ATP6V1B2: variants seen among roughly 807,000 people sequenced by gnomAD.
ATP6V1B2 encodes V-type proton ATPase subunit B, brain isoform.
Under a neutral mutation model 66.7 loss-of-function variants are expected in ATP6V1B2, and 23 were observed. The ratio of observed to expected loss-of-function variants is 0.34; its 90% CI spans 0.25 to 0.49. ATP6V1B2 has a LOEUF of 0.49. Ranked by LOEUF, ATP6V1B2 falls within the 20% of genes least tolerant of loss-of-function variation. The pLI is 0.99. For synonymous variants in ATP6V1B2, 278 were observed against 236.7 expected (o/e 1.17, Z -1.60); for missense variants, 478 against 650.8 (o/e 0.73, Z 2.89).
chr8:20,201,114 A>G (rs553484242), intron 1 of ATP6V1B2, among the ~76,000 whole-genome samples: 2 of 152,352 alleles, frequency 1.3e-5, no homozygotes, highest in East Asian at 3.9e-4. Context: ...TCTGGCTCAT[A>G]TGATAGTTCA....
chr8:20,214,646 T>C (rs113148745), intron 9 of ATP6V1B2, 172 bp from the exon 10 acceptor site: 23 of 686,384 alleles, frequency 3.4e-5, no homozygotes, highest in African/African-American at 3.2e-4. Flanking sequence ...TGTTACAGAA[T>C]ACTTTGAATT....
In ATP6V1B2 at chr8:20,212,792, A is replaced by G. The variant is rs1256588728; in HGVS notation, c.814A>G (p.Ile272Val). The G allele has an allele frequency of 6.2e-7, 1 of 1,613,558 alleles. No homozygotes were observed. Among genetic ancestry groups the G allele is most frequent in the Non-Finnish European group, 8.5e-7 (1 of 1,179,702 alleles). ...AATGTTCCCTTTCAGCATTGAGCGA[A>G]TTATCACTCCTCGCCTGGCTCTAAC... Reference protein sequence around the residue: ...NLANDPTIERIITPRLALTTA... With the variant: ...NLANDPTIERVITPRLALTTA... Residue 272 changes from isoleucine to valine, a missense_variant, in exon 9 of 14, where the codon ATT becomes GTT. By Grantham distance (29) the Ile-to-Val change is conservative (BLOSUM62 3). This residue lies in a region of ATP6V1B2 where 326 missense variants were observed against 545.6 expected (regional missense o/e 0.60). Coordinates refer to ENST00000276390, the MANE Select transcript of ATP6V1B2 (RefSeq NM_001693.4).
At chr8:20,218,434 C>T in intron 13 of ATP6V1B2, 152 bp downstream of exon 13, 1 of 1,004,462 alleles carries the variant, frequency 1.0e-6, no homozygotes. Context: ...AACCCTCTGG[C>T]TTCTCCTCTG....
At chr8:20,203,644 G>A (rs1366935467) in intron 1 of ATP6V1B2, among the ~76,000 whole-genome samples, 2 of 151,744 alleles carry the variant, frequency 1.3e-5, no homozygotes, top group Non-Finnish European at 2.9e-5. Context: ...AGTGAATTTT[G>A]TAGGTGTCTG....
intron 13 of ATP6V1B2, among the ~76,000 whole-genome samples, chr8:20,219,602 A>G (rs1009063368): frequency 6.6e-6 from 1 of 152,176 alleles, no homozygotes; most frequent in African/African-American, 2.4e-5. Context: ...TTAATATTCA[A>G]ATCCCCAAAA....
intron 1 of ATP6V1B2, among the ~76,000 whole-genome samples, chr8:20,199,715 A>T (rs775034750): frequency 6.7e-6 from 1 of 148,672 alleles, no homozygotes; most frequent in Non-Finnish European, 1.5e-5. Context: ...GATTCGAGCA[A>T]TTCTCCTGCG....
At chr8:20,199,717 TCTC>T (rs2072665470) in intron 1 of ATP6V1B2, among the ~76,000 whole-genome samples, 2 of 150,160 alleles carry the variant, frequency 1.3e-5, no homozygotes, top group African/African-American at 4.9e-5. Flanking sequence ...TTCGAGCAAT[TCTC>T]CTGCGTCAGC....
intron 5 of ATP6V1B2, 121 bp from the exon 6 acceptor site, chr8:20,211,056 T>TG: frequency 1.6e-6 from 2 of 1,264,348 alleles, no homozygotes; most frequent in Non-Finnish European, 2.2e-6. Context: ...AGTAAAGAGA[T>TG]GCTTTATGTA....
intron 13 of ATP6V1B2, among the ~76,000 whole-genome samples, chr8:20,219,724 G>A (rs1207990310): frequency 1.3e-5 from 2 of 152,080 alleles, no homozygotes; most frequent in Non-Finnish European, 2.9e-5. Flanking sequence ...CAAAGAATAA[G>A]ATTTATTTGT....
intron 5 of ATP6V1B2, 34 bp from the exon 6 acceptor site, chr8:20,211,143 C>T (rs2072789226): frequency 6.3e-7 from 1 of 1,591,266 alleles, no homozygotes; most frequent in Non-Finnish European, 8.5e-7. Flanking sequence ...AATGCGGCAA[C>T]TTGTTGAAAT....
chr8:20,211,531 A>G lies in ATP6V1B2; in HGVS notation c.604-121A>G, dbSNP rs1390591450. 3 of 1,274,640 alleles carry G rather than the reference A, an allele frequency of 2.4e-6. No individual in the cohort carries two copies. The Admixed American group carries it at 8.5e-5, about 36-fold the overall frequency. The allele number at this position is 1,274,640 out of a possible 1,614,324, so 79.0% of individuals were successfully genotyped here. A position where few individuals can be genotyped will look rare whatever the true frequency, so the allele number is the denominator to read the frequency against. On this transcript the variant is annotated intron_variant, in intron 6 of 13. Transcript: ENST00000276390. ...AGTACAAAATAGTTTTGTTGAATGAATACCCTAAAACATCCTGGTTTCGTT... is the reference window on the plus strand; with the variant it reads ...AGTACAAAATAGTTTTGTTGAATGAGTACCCTAAAACATCCTGGTTTCGTT...
chr8:20,219,307 G>A (rs2072885339), intron 13 of ATP6V1B2, among the ~76,000 whole-genome samples: 1 of 152,068 alleles, frequency 6.6e-6, no homozygotes, highest in Non-Finnish European at 1.5e-5. Context: ...TTGGCCATTG[G>A]TGCCAACTTT....
chr8:20,210,616 G>T lies in ATP6V1B2; in HGVS notation c.433G>T (p.Val145Leu). The T allele has an allele frequency of 6.2e-7, 1 of 1,613,780 alleles. No homozygotes were observed. The highest frequency in any genetic ancestry group is 8.5e-7 in the Non-Finnish European group (1 of 1,179,762). Residue 145 changes from valine to leucine, a missense_variant, in exon 5 of 14, where the codon GTA becomes TTA. Val to Leu is a conservative substitution (Grantham distance 32, BLOSUM62 1). This residue lies in a region of ATP6V1B2 where 326 missense variants were observed against 545.6 expected (regional missense o/e 0.60). Coordinates refer to ENST00000276390, the MANE Select transcript of ATP6V1B2 (RefSeq NM_001693.4). Reference sequence around the variant, plus strand: ...AAAACCCATTGACAGAGGTCCTGTTGTACTGGCCGAAGACTTCCTTGATAT... The same window carrying T: ...AAAACCCATTGACAGAGGTCCTGTTTTACTGGCCGAAGACTTCCTTGATAT... The part of the protein sequence containing the change: ...SGKPIDRGPV[V>L]LAEDFLDIMG...
At chr8:20,220,177 C>G in intron 13 of ATP6V1B2, 86 bp from the exon 14 acceptor site, 2 of 1,446,794 alleles carry the variant, frequency 1.4e-6, no homozygotes, top group Non-Finnish European at 1.9e-6. Context: ...ATTTAATACA[C>G]TGCTAGTCAT....
chr8:20,199,216 A>G (rs2072658791), intron 1 of ATP6V1B2, among the ~76,000 whole-genome samples: 1 of 152,354 alleles, frequency 6.6e-6, no homozygotes, highest in South Asian at 2.1e-4. Context: ...ATTTTTCCAG[A>G]CGTTATTCTT....
intron 8 of ATP6V1B2, 47 bp downstream of exon 8, chr8:20,212,246 A>G: frequency 6.4e-7 from 1 of 1,570,040 alleles, no homozygotes; most frequent in Middle Eastern, 1.7e-4. Flanking sequence ...TCGGGATCAA[A>G]AGTGTGTCTT....
chr8:20,212,288 G>A (rs949020790), intron 8 of ATP6V1B2, 89 bp downstream of exon 8: 5 of 1,221,004 alleles, frequency 4.1e-6, no homozygotes, highest in Non-Finnish European at 5.9e-6. Flanking sequence ...GGTAATAACA[G>A]CATTTGGACC....
intron 2 of ATP6V1B2, among the ~76,000 whole-genome samples, chr8:20,205,097 A>G (rs574150823): frequency 6.6e-5 from 10 of 152,192 alleles, no homozygotes; most frequent in Admixed American, 6.5e-5. Context: ...AAGTTGTACA[A>G]GATTTAGGCA....
At chr8:20,214,761 G>A (rs528148858) in intron 9 of ATP6V1B2, 57 bp from the exon 10 acceptor site, 5 of 1,499,386 alleles carry the variant, frequency 3.3e-6, no homozygotes, top group Non-Finnish European at 4.5e-6. Flanking sequence ...CAAACATGTT[G>A]TAAGCAAGCT....
Sources: gnomAD v4.1 joint callset for allele counts (sites outside exome capture counted in the v4.1 genomes callset) on GRCh38, gnomAD v4.1.1 for gene constraint, gnomAD v4.1.1 regional missense constraint, MANE v1.5 for transcripts, NCBI Gene and HGNC (gene_info 2026-07-23, HGNC 2026-07-21) for gene names.